Variants in RBFOX3 observed in about 807,000 individuals in gnomAD.
The protein encoded by RBFOX3 is RNA binding fox-1 homolog 3, also known as RNA binding protein fox-1 homolog 3.
A neutral mutation model predicts 48.7 loss-of-function variants in RBFOX3; 17 were observed. That is an observed-to-expected ratio of 0.35 (90% confidence interval 0.24 to 0.52). RBFOX3 has a LOEUF of 0.52. Ranked by LOEUF, RBFOX3 falls within the 20% of genes least tolerant of loss-of-function variation. RBFOX3 has a pLI of 0.94. For missense variants in RBFOX3, 382 were observed against 497.5 expected, an observed-to-expected ratio of 0.77 and a Z score of 2.21; for synonymous variants, 212 against 209.5, an observed-to-expected ratio of 1.01 and a Z score of -0.10.
At chr17:79,376,461 A>C (rs2059237345) in intron 2 of RBFOX3, among the ~76,000 whole-genome samples, 1 of 152,196 alleles carries the variant, frequency 6.6e-6, no homozygotes, top group Non-Finnish European at 1.5e-5. Flanking sequence ...TGCCAACATG[A>C]AGAAAGCTGG....
chr17:79,239,320 C>T (rs550174794), intron 3 of RBFOX3, among the ~76,000 whole-genome samples: 1 of 152,308 alleles, frequency 6.6e-6, no homozygotes, highest in East Asian at 1.9e-4. Context: ...GGTCATGAAA[C>T]ACGGAGCTGA....
intron 1 of RBFOX3, among the ~76,000 whole-genome samples, chr17:79,609,646 G>A (rs1414760533): frequency 2.6e-5 from 3 of 113,606 alleles, no homozygotes; most frequent in Admixed American, 1.0e-4. Context: ...AGTGGACTCC[G>A]GGAACATCCC....
At chr17:79,178,299 G>C (rs1168082426) in intron 4 of RBFOX3, among the ~76,000 whole-genome samples, 5 of 152,226 alleles carry the variant, frequency 3.3e-5, no homozygotes, top group Non-Finnish European at 7.3e-5. Context: ...GGGTGTCAGG[G>C]TTCAGGGGAG....
At chr17:79,152,151 T>A (rs2044669717) in intron 4 of RBFOX3, among the ~76,000 whole-genome samples, 1 of 151,820 alleles carries the variant, frequency 6.6e-6, no homozygotes. Flanking sequence ...AGTGGGCGAG[T>A]GGGGTCCCAG....
Position 79,525,960 on chromosome 17 carries a change from C to T in RBFOX3, c.-319-43362G>A, listed in dbSNP as rs960085397. ...CGAGCTGGCTGTGGAGACAAGCCACCGCCACCCCCGACGGCCATTGGCTCT... is the reference window on the plus strand; with the variant it reads ...CGAGCTGGCTGTGGAGACAAGCCACTGCCACCCCCGACGGCCATTGGCTCT... On this transcript the variant is annotated intron_variant, in intron 1 of 14. Coordinates refer to ENST00000693108, the MANE Select transcript of RBFOX3 (RefSeq NM_001350451.2). Among the ~76,000 whole-genome samples the T allele has an allele frequency of 1.8e-3, 278 of 152,288 alleles. 7 individuals carry two copies. In the Middle Eastern group the frequency reaches 0.02, roughly 11 times the overall value.
intron 2 of RBFOX3, among the ~76,000 whole-genome samples, chr17:79,340,482 T>C (rs368753477): frequency 1.8e-4 from 27 of 152,180 alleles, no homozygotes; most frequent in African/African-American, 6.5e-4. Flanking sequence ...ATTTTCAGAG[T>C]TCTGTGTAAA....
intron 1 of RBFOX3, among the ~76,000 whole-genome samples, chr17:79,507,448 A>T (rs2149802008): frequency 6.6e-6 from 1 of 152,230 alleles, no homozygotes; most frequent in South Asian, 2.1e-4. Flanking sequence ...TCCCCGCCCC[A>T]CATGTCAGGT....
chr17:79,565,491 T>TACC (rs1330897267), intron 1 of RBFOX3, among the ~76,000 whole-genome samples: 3 of 151,994 alleles, frequency 2.0e-5, no homozygotes, highest in Non-Finnish European at 4.4e-5. Flanking sequence ...AGGCATGCAC[T>TACC]ACCACACCCA....
At chr17:79,371,854 C>A (rs758399741) in intron 2 of RBFOX3, among the ~76,000 whole-genome samples, 1 of 152,170 alleles carries the variant, frequency 6.6e-6, no homozygotes, top group African/African-American at 2.4e-5. Context: ...TGCTGTGTCA[C>A]GACACTGAGA....
rs564647825 is a variant in RBFOX3 at position 79,465,948 on chromosome 17, G to A, written c.-175+16506C>T. 1.4e-4 allele frequency among the ~76,000 whole-genome samples: 22 copies of A among 152,300 alleles called. No homozygotes were observed. The East Asian group carries it at 4.1e-3, about 28-fold the overall frequency. ...TGTCTGCACCCATTCCCCTCTCCCT[G>A]AGCAAAGCTTCTGGGCATCCCCACG... On this transcript the variant is annotated intron_variant, in intron 2 of 14. Transcript: ENST00000693108.
At chr17:79,424,429 C>G (rs1472340315) in intron 2 of RBFOX3, among the ~76,000 whole-genome samples, 2 of 152,130 alleles carry the variant, frequency 1.3e-5, no homozygotes, top group Admixed American at 1.3e-4. Flanking sequence ...GGAGCCTGCC[C>G]TAAGGTCCCT....
chr17:79,301,042 G>A (rs568560901), intron 3 of RBFOX3, among the ~76,000 whole-genome samples: 4 of 152,272 alleles, frequency 2.6e-5, no homozygotes, highest in East Asian at 3.9e-4. Context: ...GAAATCTTGC[G>A]GGCCACCAGA....
At chr17:79,230,272 T>A (rs1384049800) in intron 4 of RBFOX3, among the ~76,000 whole-genome samples, 2 of 152,174 alleles carry the variant, frequency 1.3e-5, no homozygotes, top group South Asian at 4.1e-4. Context: ...ATTTATTTAT[T>A]TTTTTGAGAT....
In RBFOX3 at chr17:79,567,176, CTTTCTT is replaced by C. The variant is rs1485773991; in HGVS notation, c.-320+43644_-320+43649del. Among the ~76,000 whole-genome samples, 24 of 121,126 alleles carry C rather than the reference CTTTCTT, an allele frequency of 2.0e-4. No individual in the cohort carries two copies. The East Asian group carries it at 2.7e-3, about 14-fold the overall frequency. The allele number at this position is 121,126 out of a possible 152,430, so 79.5% of individuals were successfully genotyped here. ...CATGTGCTATTTTTTTTCTTTCTTT[CTTTCTT>C]TTTTTTTTTTTTTTTTTTTGAGACA... On this transcript the variant is annotated intron_variant, in intron 1 of 14. Transcript: ENST00000693108.
intron 4 of RBFOX3, among the ~76,000 whole-genome samples, chr17:79,172,173 C>CAAAAAAAAAA (rs977301314): frequency 5.7e-5 from 3 of 52,478 alleles, no homozygotes; most frequent in Admixed American, 2.2e-4. Flanking sequence ...GAGTCCGTCT[C>CAAAAAAAAAA]AAAAAAAAAA....
chr17:79,364,167 C>T lies in RBFOX3; in HGVS notation c.-174-56343G>A, dbSNP rs2057394195. Among the ~76,000 whole-genome samples the T allele has an allele frequency of 6.6e-6, 1 of 152,230 alleles. No individual in the cohort carries two copies. The highest frequency in any genetic ancestry group is 2.1e-4 in the South Asian group (1 of 4,834). ...CAGCCCCATGCCCAGAAGGCAGGCTCCGTGGGAACTGGTGTTCAGCCTTCC... is the reference window on the plus strand; with the variant it reads ...CAGCCCCATGCCCAGAAGGCAGGCTTCGTGGGAACTGGTGTTCAGCCTTCC... On this transcript the variant is annotated intron_variant, in intron 2 of 14. Coordinates refer to ENST00000693108, the MANE Select transcript of RBFOX3 (RefSeq NM_001350451.2). This position sits in a 1 kb window ranked among gnomAD's most constrained non-coding sequence, Gnocchi z 5.1.
intron 1 of RBFOX3, among the ~76,000 whole-genome samples, chr17:79,538,334 A>C (rs1346952415): frequency 1.3e-5 from 2 of 152,244 alleles, no homozygotes; most frequent in Non-Finnish European, 2.9e-5. Context: ...ATGAATGCAC[A>C]GGTGATCTGG....
chr17:79,256,355 T>C (rs2064847043), intron 3 of RBFOX3, among the ~76,000 whole-genome samples: 1 of 152,140 alleles, frequency 6.6e-6, no homozygotes, highest in Non-Finnish European at 1.5e-5. Context: ...TCCCTACACA[T>C]AGCAAGTTTG....
At chr17:79,162,839 G>C (rs533537155) in intron 4 of RBFOX3, among the ~76,000 whole-genome samples, 15 of 152,240 alleles carry the variant, frequency 9.9e-5, no homozygotes, top group South Asian at 4.2e-4. Flanking sequence ...GACAGCTCAG[G>C]GCTTGGGGAA....
Sources: gnomAD v4.1 joint callset for allele counts (sites outside exome capture counted in the v4.1 genomes callset) on GRCh38, gnomAD v4.1.1 for gene constraint, Gnocchi (gnomAD v3.1) non-coding constraint, MANE v1.5 for transcripts, NCBI Gene and HGNC (gene_info 2026-07-23, HGNC 2026-07-21) for gene names.